MACROD2: variants seen among roughly 807,000 people sequenced by gnomAD.
The protein encoded by MACROD2 is mono-ADP ribosylhydrolase 2.
Under a neutral mutation model 70.4 loss-of-function variants are expected in MACROD2, and 36 were observed. That is an observed-to-expected ratio of 0.51 (90% CI 0.39 to 0.68). The LOEUF (loss-of-function observed/expected upper bound fraction) is 0.68, where lower values mean the gene tolerates loss of function less well. Among genes scored for constraint, MACROD2 ranks in the 30% least tolerant of loss-of-function variants. The pLI is 0.00. For missense variants in MACROD2, 496 were observed against 538.4 expected, an observed-to-expected ratio of 0.92 and a Z score of 0.78; for synonymous variants, 172 against 178.8, an observed-to-expected ratio of 0.96 and a Z score of 0.30.
intron 3 of MACROD2, among the ~76,000 whole-genome samples, chr20:14,111,808 A>G (rs995398308): frequency 3.3e-5 from 5 of 151,986 alleles, no homozygotes; most frequent in South Asian, 4.1e-4. Flanking sequence ...TGGTTCCTCA[A>G]AAACCTAAAA....
At chr20:14,410,829 C>G (rs966503570) in intron 3 of MACROD2, among the ~76,000 whole-genome samples, 1 of 152,164 alleles carries the variant, frequency 6.6e-6, no homozygotes, top group Non-Finnish European at 1.5e-5. Flanking sequence ...TGCTCTCTGG[C>G]ATCAGCATTT....
chr20:14,049,408 G>A (rs1266295738), intron 2 of MACROD2, among the ~76,000 whole-genome samples: 1 of 151,902 alleles, frequency 6.6e-6, no homozygotes, highest in Admixed American at 6.6e-5. Context: ...CTGGAGTGGA[G>A]GGGAGGTGGT....
At chr20:14,549,746 A>G (rs1978530976) in intron 4 of MACROD2, among the ~76,000 whole-genome samples, 1 of 152,116 alleles carries the variant, frequency 6.6e-6, no homozygotes, top group Admixed American at 6.6e-5. Flanking sequence ...AGAGATGCAA[A>G]AAGGAATACA....
At chr20:14,111,652 C>A (rs2054452694) in intron 3 of MACROD2, among the ~76,000 whole-genome samples, 1 of 152,008 alleles carries the variant, frequency 6.6e-6, no homozygotes, top group African/African-American at 2.4e-5. Context: ...ATCAAAACTT[C>A]AATAAGATAT....
intron 3 of MACROD2, among the ~76,000 whole-genome samples, chr20:14,085,962 G>A (rs1170710888): frequency 1.3e-5 from 2 of 152,166 alleles, no homozygotes; most frequent in East Asian, 3.8e-4. Flanking sequence ...TTAGGATACT[G>A]CACCACTGGA....
intron 6 of MACROD2, among the ~76,000 whole-genome samples, chr20:15,346,133 A>T (rs2146214572): frequency 6.6e-6 from 1 of 151,980 alleles, no homozygotes; most frequent in South Asian, 2.1e-4. Context: ...AACAGGCCAC[A>T]GTGCAGTGGC....
chr20:14,263,972 A>AAC lies in MACROD2; in HGVS notation c.271+178298_271+178299dup, dbSNP rs71190124. Among the ~76,000 whole-genome samples the AAC allele has an allele frequency of 3.2e-3, 403 of 127,166 alleles. 1 individual carries two copies. Among genetic ancestry groups the AAC allele is most frequent in the East Asian group, 6.6e-3 (27 of 4,078 alleles). The allele number at this position is 127,166 out of a possible 152,430, so 83.4% of individuals were successfully genotyped here. ...GGGTGACAGAGCAAGACCCTATCTAAACACACACACACACACACACACACA... is the reference window on the plus strand; with the variant it reads ...GGGTGACAGAGCAAGACCCTATCTAAACACACACACACACACACACACACACA... On this transcript the variant is annotated intron_variant, in intron 3 of 17. Coordinates refer to ENST00000684519, the MANE Select transcript of MACROD2 (RefSeq NM_001351661.2).
intron 3 of MACROD2, among the ~76,000 whole-genome samples, chr20:14,395,003 A>G (rs2083566577): frequency 6.6e-6 from 1 of 152,018 alleles, no homozygotes; most frequent in Non-Finnish European, 1.5e-5. Flanking sequence ...AAATTTTAAG[A>G]TTTTTTATAT....
chr20:13,995,842 C>CGGGG lies in MACROD2; in HGVS notation c.46+35_46+36insGGGG. 2.9e-6 allele frequency: 1 copy of CGGGG among 340,996 alleles called. No individual in the cohort carries two copies. The highest frequency in any genetic ancestry group is 5.5e-6 in the Non-Finnish European group (1 of 182,480). 21.1% of individuals were successfully genotyped at this position (340,996 alleles called of 1,614,324 possible). A position where few individuals can be genotyped will look rare whatever the true frequency, so the allele number is the denominator to read the frequency against. Reference sequence around the variant, plus strand: ...GCCCGTCGAGTCCTGGGGGTGCGGGCGGTGGGGGTTAGGGTGGGGGCGGGG... The same window carrying CGGGG: ...GCCCGTCGAGTCCTGGGGGTGCGGGCGGGGGGTGGGGGTTAGGGTGGGGGCGGGG... On this transcript the variant is annotated intron_variant, in intron 1 of 17. Transcript: ENST00000684519. This position sits in a 1 kb window ranked among gnomAD's most constrained non-coding sequence, Gnocchi z 4.3.
At chr20:15,314,029 T>C (rs532575059) in intron 6 of MACROD2, among the ~76,000 whole-genome samples, 1 of 152,272 alleles carries the variant, frequency 6.6e-6, no homozygotes, top group African/African-American at 2.4e-5. Flanking sequence ...ATGGAAATAA[T>C]GAATATCTAG....
intron 6 of MACROD2, among the ~76,000 whole-genome samples, chr20:15,264,336 C>G (rs2077274079): frequency 6.6e-6 from 1 of 152,132 alleles, no homozygotes; most frequent in African/African-American, 2.4e-5. Context: ...AGTTGGCTTC[C>G]TACCAGTTAT....
intron 6 of MACROD2, among the ~76,000 whole-genome samples, chr20:15,299,084 C>A (rs6135379): frequency 0.28 from 42,492 of 152,084 alleles, 6,200 homozygotes; most frequent in African/African-American, 0.35. Flanking sequence ...TAAACTAAGA[C>A]ACAGAACCAT....
intron 7 of MACROD2, among the ~76,000 whole-genome samples, chr20:15,473,938 T>C (rs2046990626): frequency 6.6e-6 from 1 of 152,348 alleles, no homozygotes; most frequent in Admixed American, 6.5e-5. Context: ...GTCTGCATGT[T>C]CCAGAGTGTG....
At chr20:15,884,939 G>T (rs745350936) in intron 9 of MACROD2, among the ~76,000 whole-genome samples, 9 of 151,974 alleles carry the variant, frequency 5.9e-5, no homozygotes, top group Non-Finnish European at 8.8e-5. Context: ...GTCTCTCTTA[G>T]GTCTCTTTTA....
intron 4 of MACROD2, among the ~76,000 whole-genome samples, chr20:14,508,927 C>G (rs2084998952): frequency 6.6e-6 from 1 of 152,144 alleles, no homozygotes; most frequent in East Asian, 1.9e-4. Context: ...ATATTTAAGA[C>G]CACACAATGA....
At chr20:15,207,447 T>TTTG (rs1555792634) in intron 5 of MACROD2, among the ~76,000 whole-genome samples, 24 of 140,768 alleles carry the variant, frequency 1.7e-4, no homozygotes, top group East Asian at 8.0e-4. Flanking sequence ...TTTTTTTTTT[T>TTTG]TTTTTTTTTT....
intron 3 of MACROD2, among the ~76,000 whole-genome samples, chr20:14,416,358 A>G (rs2083805319): frequency 6.6e-6 from 1 of 152,158 alleles, no homozygotes; most frequent in Non-Finnish European, 1.5e-5. Flanking sequence ...CCCCAGTGTA[A>G]ATTAATGACT....
At chr20:14,024,300 G>C (rs775603872) in intron 2 of MACROD2, among the ~76,000 whole-genome samples, 1 of 152,176 alleles carries the variant, frequency 6.6e-6, no homozygotes, top group Non-Finnish European at 1.5e-5. Flanking sequence ...CTGAGATGAT[G>C]GGGTTTTCTA....
chr20:15,265,995 A>G (rs1022917124), intron 6 of MACROD2, among the ~76,000 whole-genome samples: 4 of 152,352 alleles, frequency 2.6e-5, no homozygotes, highest in African/African-American at 9.6e-5. Context: ...AGAAAACACA[A>G]TGAAGGGAAA....
Sources: allele counts gnomAD v4.1 joint callset (sites outside exome capture counted in the v4.1 genomes callset), GRCh38; gene constraint gnomAD v4.1.1; non-coding constraint Gnocchi (gnomAD v3.1); transcripts MANE v1.5; gene names NCBI Gene and HGNC (gene_info 2026-07-23, HGNC 2026-07-21).